MRPL3: variants seen among roughly 807,000 people sequenced by gnomAD.
MRPL3 encodes mitochondrial ribosomal protein L3.
In MRPL3, 43 loss-of-function variants were observed where a neutral mutation model predicts 44.3. The ratio of observed to expected loss-of-function variants is 0.97; its 90% confidence interval spans 0.76 to 1.25. The LOEUF is 1.25. MRPL3 is among the 50% of genes most tolerant of loss of function. The probability of loss-of-function intolerance (pLI) is 0.00; values close to 1 mark genes in which losing one functional copy is unlikely to be tolerated. For synonymous variants in MRPL3, 171 were observed against 152.3 expected (o/e 1.12, Z -0.91); for missense variants, 406 against 427.6 (o/e 0.95, Z 0.45).
intron 6 of MRPL3, among the ~76,000 whole-genome samples, chr3:131,476,424 A>T (rs1933853558): frequency 6.6e-6 from 1 of 152,234 alleles, no homozygotes; most frequent in Admixed American, 6.5e-5. Flanking sequence ...TACTTAGTAT[A>T]GCCAGACACA....
intron 4 of MRPL3, among the ~76,000 whole-genome samples, chr3:131,491,138 A>G (rs556360022): frequency 1.2e-4 from 18 of 152,280 alleles, no homozygotes; most frequent in Non-Finnish European, 2.1e-4. Flanking sequence ...TCCCCCTTAC[A>G]GCAAAGCTCC....
chr3:131,477,092 T>G (rs890435935), intron 6 of MRPL3, among the ~76,000 whole-genome samples: 1 of 152,244 alleles, frequency 6.6e-6, no homozygotes, highest in Non-Finnish European at 1.5e-5. Flanking sequence ...CTGTGACAAA[T>G]GCCTACCAAG....
intron 6 of MRPL3, among the ~76,000 whole-genome samples, chr3:131,484,693 A>G (rs1934077868): frequency 6.6e-6 from 1 of 152,228 alleles, no homozygotes; most frequent in African/African-American, 2.4e-5. Context: ...AGCTGGGAAT[A>G]CAATGCTGCA....
intron 6 of MRPL3, among the ~76,000 whole-genome samples, chr3:131,486,014 T>G (rs1029980588): frequency 7.9e-5 from 12 of 152,054 alleles, no homozygotes; most frequent in Admixed American, 7.9e-4. Flanking sequence ...AGAAATGAAA[T>G]TATCATTTAT....
chr3:131,499,050 C>G (rs1230341552), intron 3 of MRPL3, among the ~76,000 whole-genome samples: 1 of 152,178 alleles, frequency 6.6e-6, no homozygotes, highest in East Asian at 1.9e-4. Flanking sequence ...AGAAATAACT[C>G]TTGACATTTA....
chr3:131,472,726 G>A (rs918080702), intron 6 of MRPL3, among the ~76,000 whole-genome samples: 10 of 151,962 alleles, frequency 6.6e-5, no homozygotes, highest in Non-Finnish European at 1.0e-4. Context: ...TAAAGTTGCA[G>A]GATATAAAAT....
intron 6 of MRPL3, among the ~76,000 whole-genome samples, chr3:131,484,518 CAG>C (rs2110706381): frequency 6.6e-6 from 1 of 151,948 alleles, no homozygotes; most frequent in African/African-American, 2.4e-5. Flanking sequence ...GATTAATATC[CAG>C]AAGATAGAGC....
intron 9 of MRPL3, among the ~76,000 whole-genome samples, chr3:131,464,618 C>CAT (rs1933560858): frequency 1.3e-5 from 2 of 151,940 alleles, no homozygotes; most frequent in African/African-American, 2.4e-5. Context: ...ATATAGGACA[C>CAT]AGGAATGAAC....
chr3:131,476,676 C>G (rs1476154843), intron 6 of MRPL3, among the ~76,000 whole-genome samples: 2 of 152,122 alleles, frequency 1.3e-5, no homozygotes, highest in Non-Finnish European at 2.9e-5. Flanking sequence ...TTTAGAGTAT[C>G]TATACTAAAA....
chr3:131,479,250 A>C (rs1449648890), intron 6 of MRPL3: 1 of 509,974 alleles, frequency 2.0e-6, no homozygotes, highest in Non-Finnish European at 3.9e-6. Flanking sequence ...TTAAGTTTTC[A>C]CTTTCTCTCT....
chr3:131,502,324 C>T (rs1387960682), intron 1 of MRPL3, among the ~76,000 whole-genome samples: 3 of 152,180 alleles, frequency 2.0e-5, no homozygotes, highest in Non-Finnish European at 4.4e-5. Context: ...GGCTAGATTC[C>T]TAATTTTCCA....
In MRPL3 at chr3:131,501,537, C is replaced by G. The variant is rs1202226109; in HGVS notation, c.271G>C (p.Glu91Gln). ...KDEPWPIHPW[E>Q]PGSFRVGLIA... ...TCAAATACAAAATAATCACCTGGTT[C>G]CCAAGGATGTATAGGCCATGGTTCA... The change falls in exon 2 of 10, where the codon GAA (glutamate) becomes CAA (glutamine). Residue 91 changes from glutamate to glutamine, a missense_variant. By Grantham distance (29) the Glu-to-Gln change is conservative (BLOSUM62 2). Coordinates refer to ENST00000264995, the MANE Select transcript of MRPL3 (RefSeq NM_007208.4). The G allele has an allele frequency of 6.2e-7, 1 of 1,610,058 alleles. No homozygotes were observed. Among genetic ancestry groups the G allele is most frequent in the Non-Finnish European group, 8.5e-7 (1 of 1,178,960 alleles).
intron 6 of MRPL3, among the ~76,000 whole-genome samples, chr3:131,475,817 T>C (rs894828462): frequency 1.5e-4 from 23 of 152,348 alleles, no homozygotes; most frequent in African/African-American, 4.8e-4. Flanking sequence ...TAGAACCTAA[T>C]TGGAAAGTAC....
chr3:131,477,268 T>C (rs1448044878), intron 6 of MRPL3, among the ~76,000 whole-genome samples: 2 of 152,228 alleles, frequency 1.3e-5, no homozygotes. Flanking sequence ...TTCTGTGTCC[T>C]CTGAGAACTT....
At chr3:131,463,424 A>G (rs1424306146) in intron 9 of MRPL3, among the ~76,000 whole-genome samples, 1 of 151,872 alleles carries the variant, frequency 6.6e-6, no homozygotes, top group African/African-American at 2.4e-5. Context: ...TTTAAAGTTA[A>G]TTCTTCAGCA....
chr3:131,474,352 T>C (rs531403243), intron 6 of MRPL3, among the ~76,000 whole-genome samples: 14 of 152,176 alleles, frequency 9.2e-5, no homozygotes, highest in African/African-American at 3.1e-4. Context: ...GTTGCTATCA[T>C]AGAAGTAGAG....
intron 4 of MRPL3, among the ~76,000 whole-genome samples, chr3:131,491,635 ATTCTT>A (rs1934258170): frequency 6.6e-6 from 1 of 152,120 alleles, no homozygotes; most frequent in Non-Finnish European, 1.5e-5. Flanking sequence ...GTCACCCTTG[ATTCTT>A]TTCTTCTTCA....
At chr3:131,501,478 T>C (rs544295624) in intron 2 of MRPL3, 53 bp downstream of exon 2, 32 of 1,396,638 alleles carry the variant, frequency 2.3e-5, no homozygotes, top group Non-Finnish European at 2.9e-5. Flanking sequence ...TTTAAATGTG[T>C]CCAGCCACAC....
rs527696107 is a variant in MRPL3, at chr3:131,488,153, C to T, written c.569-413G>A. 3.9e-5 allele frequency among the ~76,000 whole-genome samples: 6 copies of T among 152,262 alleles called. No homozygotes were observed. In the South Asian group the frequency reaches 1.2e-3, roughly 32 times the overall value. On this transcript the variant is annotated intron_variant, in intron 5 of 9. Coordinates refer to ENST00000264995, the MANE Select transcript of MRPL3 (RefSeq NM_007208.4). The stretch of plus-strand genomic sequence containing the variant: ...CCATTGGACAAACAGGAAACAATTA[C>T]TTGAACCCAAGTCCCTCATATGGTG...
Sources: allele counts gnomAD v4.1 joint callset (sites outside exome capture counted in the v4.1 genomes callset), GRCh38; gene constraint gnomAD v4.1.1; transcripts MANE v1.5; gene names NCBI Gene and HGNC (gene_info 2026-07-23, HGNC 2026-07-21).